Variants in DNAJC11 observed in about 807,000 individuals in gnomAD.
DNAJC11 encodes the protein DnaJ heat shock protein family (Hsp40) member C11, also known as dnaJ homolog subfamily C member 11.
DNAJC11 carries 15 observed loss-of-function variants against 78.6 expected under a neutral mutation model. The ratio of observed to expected loss-of-function variants is 0.19; its 90% confidence interval spans 0.13 to 0.29. The LOEUF is 0.29. DNAJC11 is among the 10% of genes least tolerant of loss of function. DNAJC11 has a pLI of 1.00. For missense variants in DNAJC11, 547 were observed against 709.6 expected (o/e 0.77, Z 2.60); for synonymous variants, 292 against 272.1 (o/e 1.07, Z -0.72).
chr1:6,695,577 G>A (rs1271876862), intron 1 of DNAJC11, among the ~76,000 whole-genome samples: 5 of 139,748 alleles, frequency 3.6e-5, no homozygotes, highest in Admixed American at 7.7e-5. Flanking sequence ...GGATCACGAC[G>A]TCAGGAGTTT....
intron 1 of DNAJC11, among the ~76,000 whole-genome samples, chr1:6,685,864 T>C (rs899286044): frequency 6.6e-5 from 10 of 152,240 alleles, no homozygotes; most frequent in Non-Finnish European, 1.3e-4. Context: ...TGTGTGTACA[T>C]GTCTTATGTT....
intron 2 of DNAJC11, 150 bp from the exon 3 acceptor site, chr1:6,678,617 T>C: frequency 3.0e-6 from 2 of 666,592 alleles, no homozygotes; most frequent in African/African-American, 3.6e-5. Context: ...CTACACATCT[T>C]TCCTCCCAAC....
intron 7 of DNAJC11, among the ~76,000 whole-genome samples, chr1:6,650,180 C>G (rs1642032696): frequency 6.6e-6 from 1 of 151,798 alleles, no homozygotes; most frequent in Non-Finnish European, 1.5e-5. Flanking sequence ...GGAGGGTCAC[C>G]TGAGCCTGGG....
chr1:6,659,527 C>T (rs543670684), intron 4 of DNAJC11, among the ~76,000 whole-genome samples: 53 of 151,680 alleles, frequency 3.5e-4, no homozygotes, highest in Middle Eastern at 3.4e-3. Flanking sequence ...TGGGAGGCCG[C>T]GGCGGGTGGA....
At position 6,687,278 on chromosome 1, in the gene DNAJC11, TA is replaced by T. The variant is rs796211467; in HGVS notation, c.73-6242del. Among the ~76,000 whole-genome samples, 837 of 131,988 alleles carry T rather than the reference TA, an allele frequency of 6.3e-3. 7 individuals are homozygous for T. The highest frequency in any genetic ancestry group is 0.02 in the African/African-American group (708 of 35,862). 86.6% of individuals were successfully genotyped at this position (131,988 alleles called of 152,430 possible). A position where few individuals can be genotyped will look rare whatever the true frequency, so the allele number is the denominator to read the frequency against. On this transcript the variant is annotated intron_variant, in intron 1 of 15. Coordinates refer to ENST00000377577, the MANE Select transcript of DNAJC11 (RefSeq NM_018198.4). The stretch of plus-strand genomic sequence containing the variant: ...AAAGCAACCACTTAACTGGACTTGG[TA>T]AAAAAAAAAAAATTCCCTATTTCAT...
chr1:6,689,550 T>G (rs1461214439), intron 1 of DNAJC11, among the ~76,000 whole-genome samples: 1 of 151,978 alleles, frequency 6.6e-6, no homozygotes, highest in South Asian at 2.1e-4. Context: ...CACTTTGGGA[T>G]GCTGAGGCGA....
At chr1:6,662,409 G>T (rs1048912534) in intron 4 of DNAJC11, among the ~76,000 whole-genome samples, 1 of 152,032 alleles carries the variant, frequency 6.6e-6, no homozygotes, top group Non-Finnish European at 1.5e-5. Flanking sequence ...GGTCAGGCTG[G>T]TCTCAAACTC....
At chr1:6,685,624 G>A (rs577072211) in intron 1 of DNAJC11, among the ~76,000 whole-genome samples, 46 of 152,260 alleles carry the variant, frequency 3.0e-4, no homozygotes, top group African/African-American at 1.1e-3. Flanking sequence ...TCAGAACTAA[G>A]CAAGTTTCTA....
At chr1:6,665,838 C>T (rs963388851) in intron 4 of DNAJC11, among the ~76,000 whole-genome samples, 3 of 152,166 alleles carry the variant, frequency 2.0e-5, no homozygotes, top group African/African-American at 7.2e-5. Context: ...ACAGCCTGCT[C>T]TTGCCAGGCA....
chr1:6,637,168 C>T (rs573007562), intron 14 of DNAJC11, 30 bp downstream of exon 14: 37 of 1,613,478 alleles, frequency 2.3e-5, no homozygotes, highest in Admixed American at 1.2e-4. Flanking sequence ...TCTGTGAGCA[C>T]ATAGCATGTG....
chr1:6,682,245 A>G (rs1557485737), intron 1 of DNAJC11, among the ~76,000 whole-genome samples: 1 of 151,316 alleles, frequency 6.6e-6, no homozygotes, highest in African/African-American at 2.4e-5. Flanking sequence ...AGGACTAATG[A>G]GCTTCTTCAC....
intron 3 of DNAJC11, among the ~76,000 whole-genome samples, chr1:6,671,402 C>T (rs574784287): frequency 6.6e-6 from 1 of 151,908 alleles, no homozygotes; most frequent in Admixed American, 6.6e-5. Context: ...GCCACCACGC[C>T]CGGCTAATTT....
intron 12 of DNAJC11, chr1:6,638,088 TA>T (rs1380470087): frequency 3.3e-5 from 16 of 483,016 alleles, no homozygotes; most frequent in Non-Finnish European, 5.9e-5. Context: ...CTCACCACTT[TA>T]AAAAAGCCCT....
chr1:6,682,883 C>A (rs1263869719), intron 1 of DNAJC11, among the ~76,000 whole-genome samples: 2 of 152,128 alleles, frequency 1.3e-5, no homozygotes, highest in African/African-American at 4.8e-5. Context: ...TATGACTGCA[C>A]CACTGCACTC....
Position 6,637,325 on chromosome 1 carries a change from T to C in DNAJC11, c.1397A>G (p.Asn466Ser), listed in dbSNP as rs757548391. ...ATTGACAAACTTCCCGTACCAGGCA[T>C]TGACGATGATGAGGCCTAAGGACAG... ...EESRMGLIIV[N>S]AWYGKFVNDK... Residue 466 changes from asparagine (N) to serine (S), a missense_variant, in exon 14 of 16, where the codon AAT becomes AGT. Transcript: ENST00000377577. 3.2e-5 allele frequency: 51 copies of C among 1,614,080 alleles called. No individual in the cohort carries two copies. Among genetic ancestry groups the C allele is most frequent in the Non-Finnish European group, 4.0e-5 (47 of 1,180,034 alleles).
chr1:6,673,508 CT>C (rs1296079695), intron 3 of DNAJC11, among the ~76,000 whole-genome samples: 2 of 152,140 alleles, frequency 1.3e-5, no homozygotes, highest in Non-Finnish European at 2.9e-5. Context: ...AGCTAGTAAA[CT>C]TTTTCTTCTG....
chr1:6,673,873 A>G (rs944380222), intron 3 of DNAJC11, among the ~76,000 whole-genome samples: 2 of 152,218 alleles, frequency 1.3e-5, no homozygotes, highest in East Asian at 1.9e-4. Flanking sequence ...CTCATATACT[A>G]TAAAACCGAT....
intron 1 of DNAJC11, among the ~76,000 whole-genome samples, chr1:6,694,512 C>G (rs1642801386): frequency 6.6e-6 from 1 of 152,070 alleles, no homozygotes; most frequent in Non-Finnish European, 1.5e-5. Context: ...TGCCCCTTCC[C>G]CAAGCTGACT....
At chr1:6,684,083 C>CTT (rs1335878289) in intron 1 of DNAJC11, among the ~76,000 whole-genome samples, 5 of 140,238 alleles carry the variant, frequency 3.6e-5, no homozygotes, top group Non-Finnish European at 6.3e-5. Flanking sequence ...AAATCATTTT[C>CTT]TTTTTTTTTT....
Sources: gnomAD v4.1 joint callset for allele counts (sites outside exome capture counted in the v4.1 genomes callset) on GRCh38, gnomAD v4.1.1 for gene constraint, MANE v1.5 for transcripts, NCBI Gene and HGNC (gene_info 2026-07-23, HGNC 2026-07-21) for gene names.